The following AGR3 variants were observed in gnomAD, a reference collection of about 807,000 sequenced individuals.
AGR3 encodes the protein anterior gradient 3, protein disulphide isomerase family member.
Under a neutral mutation model 24.5 loss-of-function variants are expected in AGR3, and 37 were observed. That is an observed-to-expected ratio of 1.51 (90% CI 1.16 to 1.99). The LOEUF (loss-of-function observed/expected upper bound fraction) is 1.99. Ranked by LOEUF, AGR3 falls within the 30% of genes most tolerant of loss-of-function variation. The pLI is 0.00. For missense variants in AGR3, 228 were observed against 191.1 expected, an observed-to-expected ratio of 1.19 and a Z score of -1.14; for synonymous variants, 75 against 61.6, an observed-to-expected ratio of 1.22 and a Z score of -1.02.
At chr7:16,855,798 A>G (rs374052140), downstream of AGR3, among the ~76,000 whole-genome samples, 2 of 152,192 alleles carry the variant, frequency 1.3e-5, no homozygotes, top group African/African-American at 2.4e-5. Flanking sequence ...TATGAAATCA[A>G]TGGGTTTAAA....
chr7:16,866,891 G>C (rs188767653), intron 3 of AGR3, among the ~76,000 whole-genome samples: 108 of 152,016 alleles, frequency 7.1e-4, no homozygotes, highest in Non-Finnish European at 1.2e-3. Context: ...GTAAGTTTTT[G>C]GTTATCCAGA....
intron 3 of AGR3, among the ~76,000 whole-genome samples, chr7:16,872,743 A>T (rs117403177): frequency 4.5e-4 from 68 of 152,314 alleles, no homozygotes; most frequent in Admixed American, 2.3e-3. Context: ...AGGAACTCAA[A>T]CAACTCAACA....
rs769442084 is a variant in AGR3, at chr7:16,873,789, G to A, written c.164C>T (p.Ala55Val). ...CTGAGAAGCATGTTACCTTTTTTGA[G>A]CATAAAAGAGACCTTCTTCATAAGT... ...VQTYEEGLFY[A>V]QKSKKPLMVI... The change falls in exon 3 of 8, where the codon GCT (alanine) becomes GTT (valine). Residue 55 changes from alanine (A) to valine (V), a missense_variant. Physicochemically the swap from Ala to Val is moderately conservative, Grantham distance 64. Coordinates refer to ENST00000310398, the MANE Select transcript of AGR3 (RefSeq NM_176813.5). The A allele has an allele frequency of 4.3e-6, 7 of 1,611,062 alleles. No individual in the cohort carries two copies. The highest frequency in any genetic ancestry group is 2.2e-5 in the South Asian group (2 of 90,996).
chr7:16,862,597 G>C lies in AGR3; in HGVS notation c.226+13C>G, dbSNP rs897713428. 6 of 1,479,320 alleles carry C rather than the reference G, an allele frequency of 4.1e-6. No homozygotes were observed. The highest frequency in any genetic ancestry group is 5.4e-6 in the Non-Finnish European group (6 of 1,110,760). 91.6% of individuals were successfully genotyped at this position (1,479,320 alleles called of 1,614,324 possible). On this transcript the variant is annotated intron_variant, in intron 4 of 7. Coordinates refer to ENST00000310398, the MANE Select transcript of AGR3 (RefSeq NM_176813.5). ...ATTATATATTATAATAAGATATCAG[G>C]GGCTAAAATTACCTTGAGAGTATTG...
rs938978055 is a variant in AGR3, at chr7:16,875,450, T to C, written c.110-1607A>G. On this transcript the variant is annotated intron_variant, in intron 2 of 7. Transcript: ENST00000310398. The stretch of plus-strand genomic sequence containing the variant: ...CCATGTATTATTATTTAATTCATTT[T>C]TTATGGTCAAATATTATTCCATTGT... 6.6e-5 allele frequency among the ~76,000 whole-genome samples: 10 copies of C among 152,326 alleles called. No homozygotes were observed. In the South Asian group the frequency reaches 1.2e-3, roughly 19 times the overall value.
intron 3 of AGR3, among the ~76,000 whole-genome samples, chr7:16,868,932 GTCT>G (rs1297552392): frequency 6.6e-6 from 1 of 152,086 alleles, no homozygotes; most frequent in Non-Finnish European, 1.5e-5. Context: ...TATAATTTAA[GTCT>G]TCTTAAATTT....
downstream of AGR3, among the ~76,000 whole-genome samples, chr7:16,856,365 G>C (rs1418548285): frequency 2.0e-5 from 3 of 152,148 alleles, no homozygotes; most frequent in East Asian, 1.9e-4. Flanking sequence ...AGAGGTGAAG[G>C]ATCTAGTGCA....
At chr7:16,868,152 C>T (rs1380601099) in intron 3 of AGR3, among the ~76,000 whole-genome samples, 1 of 142,336 alleles carries the variant, frequency 7.0e-6, no homozygotes, top group Non-Finnish European at 1.6e-5. Flanking sequence ...CCTGTTGGCC[C>T]TTTGTATGTC....
chr7:16,859,113 T>A (rs529139186), downstream of AGR3, among the ~76,000 whole-genome samples: 131 of 152,042 alleles, frequency 8.6e-4, no homozygotes, highest in Middle Eastern at 0.017. Flanking sequence ...TAGTTGGTGG[T>A]TAGACCAGGA....
intron 3 of AGR3, among the ~76,000 whole-genome samples, chr7:16,868,700 G>C (rs1781807514): frequency 6.6e-6 from 1 of 151,678 alleles, no homozygotes; most frequent in African/African-American, 2.4e-5. Flanking sequence ...TCATGTTTTT[G>C]AGGTCATATG....
intron 3 of AGR3, chr7:16,864,140 C>T (rs576554520): frequency 1.1e-4 from 61 of 544,722 alleles, no homozygotes; most frequent in Non-Finnish European, 1.6e-4. Flanking sequence ...TGAAAGACTA[C>T]AGGAACGGAG....
At chr7:16,856,313 A>G (rs750986433), downstream of AGR3, among the ~76,000 whole-genome samples, 1 of 152,222 alleles carries the variant, frequency 6.6e-6, no homozygotes, top group Admixed American at 6.5e-5. Context: ...CTGAATAGAA[A>G]TGTTGCTATT....
chr7:16,859,104 A>G (rs1398132632), downstream of AGR3, among the ~76,000 whole-genome samples: 2 of 152,002 alleles, frequency 1.3e-5, no homozygotes, highest in Non-Finnish European at 2.9e-5. Context: ...AAATTAGATT[A>G]GTTGGTGGTT....
intron 3 of AGR3, among the ~76,000 whole-genome samples, chr7:16,871,165 C>G (rs1781856998): frequency 6.6e-6 from 1 of 152,112 alleles, no homozygotes; most frequent in Non-Finnish European, 1.5e-5. Flanking sequence ...ACAGGCAGGC[C>G]TTAGAACTGC....
At chr7:16,857,990 T>C (rs1327324417), downstream of AGR3, among the ~76,000 whole-genome samples, 1 of 125,514 alleles carries the variant, frequency 8.0e-6, no homozygotes, top group Non-Finnish European at 1.7e-5. Flanking sequence ...TAAAACATTT[T>C]CTTTTTTTTT....
chr7:16,860,681 G>C, intron 6 of AGR3, 98 bp from the exon 7 acceptor site: 1 of 825,452 alleles, frequency 1.2e-6, no homozygotes. Context: ...TGGGGGTTAT[G>C]TGTACAAGTT....
rs1049049651 is a variant in AGR3, at chr7:16,873,530, C to T, written c.173+250G>A. The T allele has an allele frequency of 8.9e-5, 33 of 371,988 alleles. No individual in the cohort carries two copies. In the South Asian group the frequency reaches 1.0e-3, roughly 11 times the overall value. 23.0% of individuals were successfully genotyped at this position (371,988 alleles called of 1,614,324 possible). A position where few individuals can be genotyped will look rare whatever the true frequency, so the allele number is the denominator to read the frequency against. On this transcript the variant is annotated intron_variant, in intron 3 of 7. Transcript: ENST00000310398. ...AGGAATAAGTTTGAGTAGTATTCTA[C>T]AGCACTATAGGGTACATACAGTTAA... is the stretch of plus-strand genomic sequence containing the variant.
downstream of AGR3, among the ~76,000 whole-genome samples, chr7:16,857,289 T>A (rs1014635594): frequency 6.6e-6 from 1 of 152,154 alleles, no homozygotes; most frequent in African/African-American, 2.4e-5. Context: ...CATAATAAAA[T>A]TATATGTATA....
chr7:16,877,279 A>T (rs1384020035), intron 2 of AGR3, among the ~76,000 whole-genome samples: 1 of 128,546 alleles, frequency 7.8e-6, no homozygotes, highest in East Asian at 2.2e-4. Context: ...GTATACTATG[A>T]TATATATTAT....
Sources: gnomAD v4.1 joint callset for allele counts (sites outside exome capture counted in the v4.1 genomes callset) on GRCh38, gnomAD v4.1.1 for gene constraint, MANE v1.5 for transcripts, NCBI Gene and HGNC (gene_info 2026-07-23, HGNC 2026-07-21) for gene names.